ALG9: variants seen among roughly 807,000 people sequenced by gnomAD.
The protein encoded by ALG9 is ALG9 alpha-1,2-mannosyltransferase.
In ALG9, 55 loss-of-function variants were observed where a neutral mutation model predicts 81.8. That is an observed-to-expected ratio of 0.67 (90% CI 0.54 to 0.84). ALG9 has a LOEUF of 0.84. Ranked by LOEUF, ALG9 falls within the 40% of genes least tolerant of loss-of-function variation. The pLI is 0.00. For synonymous variants in ALG9, 278 were observed against 274.3 expected (o/e 1.01, Z -0.13); for missense variants, 629 against 745.0 (o/e 0.84, Z 1.81).
intron 13 of ALG9, among the ~76,000 whole-genome samples, chr11:111,811,880 G>C (rs977849580): frequency 7.2e-5 from 11 of 152,172 alleles, no homozygotes; most frequent in South Asian, 6.2e-4. Flanking sequence ...GGTTTTTTTG[G>C]GGGGGAGGCA....
At chr11:111,769,414 T>C in the ALG9 span, 1 of 148,800 alleles carries the variant, frequency 6.7e-6, no homozygotes, top group Non-Finnish European at 1.5e-5. Context: ...AGTCCAGGAG[T>C]TCAAGACCAG....
chr11:111,816,440 G>C (rs969520834), intron 13 of ALG9, among the ~76,000 whole-genome samples: 1 of 151,944 alleles, frequency 6.6e-6, no homozygotes, highest in African/African-American at 2.4e-5. Context: ...GTAGAGACGG[G>C]GGTCTTGCTA....
intron 3 of ALG9, among the ~76,000 whole-genome samples, chr11:111,867,028 G>A (rs1566274864): frequency 6.6e-6 from 1 of 152,212 alleles, no homozygotes; most frequent in Non-Finnish European, 1.5e-5. Context: ...CCGGGAAACG[G>A]AGGTTGCTGT....
At chr11:111,804,790 A>G (rs181591536) in intron 14 of ALG9, among the ~76,000 whole-genome samples, 1 of 152,372 alleles carries the variant, frequency 6.6e-6, no homozygotes, top group East Asian at 1.9e-4. Context: ...GCCAAAATTC[A>G]AAACACTGAT....
intron 14 of ALG9, among the ~76,000 whole-genome samples, chr11:111,790,342 C>A (rs1947209827): frequency 6.6e-6 from 1 of 152,054 alleles, no homozygotes; most frequent in South Asian, 2.1e-4. Flanking sequence ...CAAAGCAAAA[C>A]AAAATAAAAC....
intron 13 of ALG9, among the ~76,000 whole-genome samples, chr11:111,817,735 T>A (rs758105459): frequency 4.6e-5 from 7 of 150,878 alleles, no homozygotes; most frequent in Non-Finnish European, 7.4e-5. Context: ...TCTATGGCAG[T>A]GGGAATGAAG....
At chr11:111,810,207 C>T (rs1334804587) in intron 13 of ALG9, among the ~76,000 whole-genome samples, 2 of 152,264 alleles carry the variant, frequency 1.3e-5, no homozygotes, top group South Asian at 2.1e-4. Context: ...TGGGAGGTTA[C>T]GCTACACCTC....
intron 14 of ALG9, among the ~76,000 whole-genome samples, chr11:111,796,342 T>G (rs927730957): frequency 2.0e-5 from 3 of 152,244 alleles, no homozygotes; most frequent in Non-Finnish European, 4.4e-5. Flanking sequence ...CTGATGATGC[T>G]GCCTGCTTAG....
intron 5 of ALG9, 101 bp from the exon 6 acceptor site, chr11:111,857,838 G>A: frequency 7.7e-7 from 1 of 1,306,170 alleles, no homozygotes; most frequent in Non-Finnish European, 1.1e-6. Flanking sequence ...ATTATAAAAT[G>A]TCAATAAACA....
intron 11 of ALG9, among the ~76,000 whole-genome samples, chr11:111,838,033 A>T (rs1422686826): frequency 1.3e-5 from 2 of 152,250 alleles, no homozygotes; most frequent in African/African-American, 4.8e-5. Flanking sequence ...TAGACAAAAA[A>T]TGTACAGTTA....
chr11:111,795,254 C>G (rs1948080384), intron 14 of ALG9, among the ~76,000 whole-genome samples: 1 of 152,146 alleles, frequency 6.6e-6, no homozygotes, highest in Non-Finnish European at 1.5e-5. Flanking sequence ...ACCCTTCTTA[C>G]AATATTCATC....
At chr11:111,839,207 T>C (rs1555120917) in intron 10 of ALG9, among the ~76,000 whole-genome samples, 3 of 152,172 alleles carry the variant, frequency 2.0e-5, no homozygotes, top group African/African-American at 4.8e-5. Flanking sequence ...TATTACATAA[T>C]AATGCTATAT....
At chr11:111,861,328 T>C (rs1207848217) in intron 4 of ALG9, among the ~76,000 whole-genome samples, 1 of 152,238 alleles carries the variant, frequency 6.6e-6, no homozygotes, top group Non-Finnish European at 1.5e-5. Context: ...CTAGCTCAGA[T>C]TCCTTACTGC....
At chr11:111,865,398 C>A in intron 3 of ALG9, 147 bp from the exon 4 acceptor site, 1 of 632,910 alleles carries the variant, frequency 1.6e-6, no homozygotes. Flanking sequence ...ATTTTCATAT[C>A]CCTTGACTCA....
Position 111,786,479 on chromosome 11 carries a change from G to T in ALG9, c.1775C>A (p.Ser592Ter). Residue 592 changes from serine to a stop codon, truncating the protein, a stop_gained, in exon 15 of 15, where the codon TCA becomes TAA. Coordinates refer to ENST00000616540, the MANE Select transcript of ALG9 (RefSeq NM_024740.2). LOFTEE classifies it high-confidence loss of function. ...GTTTACGTACACTGTATACTGATCTGACAGGAAGGGGACATAGAATGCCCG... is the reference window on the plus strand; with the variant it reads ...GTTTACGTACACTGTATACTGATCTTACAGGAAGGGGACATAGAATGCCCG... ...LLRAFYVPFLSDQYTVYVNYT... is the reference protein window; with the variant it reads ...LLRAFYVPFL The T allele has an allele frequency of 6.2e-7, 1 of 1,614,016 alleles. No individual in the cohort carries two copies. Among genetic ancestry groups the T allele is most frequent in the South Asian group, 1.1e-5 (1 of 91,054 alleles).
At chr11:111,834,273 G>T (rs1954854681) in intron 13 of ALG9, among the ~76,000 whole-genome samples, 1 of 152,154 alleles carries the variant, frequency 6.6e-6, no homozygotes, top group Non-Finnish European at 1.5e-5. Flanking sequence ...GAGACACAAG[G>T]GTAGTTCAGG....
the ALG9 span, chr11:111,768,842 C>CGCGT: frequency 3.5e-5 from 5 of 143,094 alleles, no homozygotes; most frequent in African/African-American, 1.1e-4. Flanking sequence ...TGTGTGTGTG[C>CGCGT]GTGTGTGTGT....
intron 14 of ALG9, among the ~76,000 whole-genome samples, chr11:111,789,926 A>T (rs1043420826): frequency 2.0e-4 from 30 of 152,144 alleles, no homozygotes; most frequent in Non-Finnish European, 4.1e-4. Flanking sequence ...GTTCAAAAAA[A>T]TTTTCTGGTA....
chr11:111,774,570 A>T, the ALG9 span, among the ~76,000 whole-genome samples: 1 of 152,160 alleles, frequency 6.6e-6, no homozygotes, highest in African/African-American at 2.4e-5. Context: ...GATGGAAGGG[A>T]ATTTTTTCAG....
Sources: gnomAD v4.1 joint callset for allele counts (sites outside exome capture counted in the v4.1 genomes callset) on GRCh38, gnomAD v4.1.1 for gene constraint, MANE v1.5 for transcripts, NCBI Gene and HGNC (gene_info 2026-07-23, HGNC 2026-07-21) for gene names.